PRKCA: variants seen among roughly 807,000 people sequenced by gnomAD.
PRKCA encodes the protein protein kinase C alpha.
In PRKCA, 27 loss-of-function variants were observed where a neutral mutation model predicts 87.0. That is an observed-to-expected ratio of 0.31 (90% CI 0.23 to 0.43). The LOEUF (loss-of-function observed/expected upper bound fraction) is 0.43, where lower values mean the gene tolerates loss of function less well. Ranked by LOEUF, PRKCA falls within the 20% of genes least tolerant of loss-of-function variation. The pLI is 1.00. For missense variants in PRKCA, 518 were observed against 852.3 expected (o/e 0.61, Z 4.88); for synonymous variants, 329 against 311.1 (o/e 1.06, Z -0.61).
chr17:66,380,449 T>G (rs1006037108), intron 2 of PRKCA, among the ~76,000 whole-genome samples: 1 of 152,154 alleles, frequency 6.6e-6, no homozygotes, highest in African/African-American at 2.4e-5. Context: ...TTAAAAGGGT[T>G]GGAATAAACC....
At chr17:66,728,382 A>G (rs1434347058) in intron 8 of PRKCA, among the ~76,000 whole-genome samples, 1 of 152,196 alleles carries the variant, frequency 6.6e-6, no homozygotes, top group African/African-American at 2.4e-5. Flanking sequence ...ACCAGCCTCC[A>G]GAAACTCAGC....
chr17:66,617,955 C>G (rs1970559728), intron 3 of PRKCA, among the ~76,000 whole-genome samples: 2 of 152,244 alleles, frequency 1.3e-5, no homozygotes, highest in South Asian at 4.1e-4. Context: ...AATTTAGTTG[C>G]CCCAACGTGG....
chr17:66,700,804 A>G (rs1973040829), intron 8 of PRKCA, among the ~76,000 whole-genome samples: 1 of 152,206 alleles, frequency 6.6e-6, no homozygotes, highest in South Asian at 2.1e-4. Context: ...TAATACCTAA[A>G]TAAATGGGAA....
intron 13 of PRKCA, among the ~76,000 whole-genome samples, chr17:66,771,100 T>G (rs2144328670): frequency 6.6e-6 from 1 of 151,906 alleles, no homozygotes; most frequent in South Asian, 2.1e-4. Context: ...CCTCATGGGT[T>G]GAAGCAACTC....
At chr17:66,374,475 T>G (rs1255156097) in intron 2 of PRKCA, among the ~76,000 whole-genome samples, 1 of 152,136 alleles carries the variant, frequency 6.6e-6, no homozygotes, top group Non-Finnish European at 1.5e-5. Context: ...CATGCTGGCG[T>G]CACCATGGCA....
intron 3 of PRKCA, among the ~76,000 whole-genome samples, chr17:66,585,195 TTTG>T (rs1383536453): frequency 6.6e-6 from 1 of 152,140 alleles, no homozygotes; most frequent in Non-Finnish European, 1.5e-5. Context: ...ACCCTAATCT[TTTG>T]TTAGGCAGGT....
At chr17:66,460,202 C>T (rs2143962131) in intron 2 of PRKCA, among the ~76,000 whole-genome samples, 1 of 152,256 alleles carries the variant, frequency 6.6e-6, no homozygotes, top group East Asian at 1.9e-4. Context: ...CTATGAAGGT[C>T]ATTGCCCGTG....
intron 3 of PRKCA, among the ~76,000 whole-genome samples, chr17:66,525,038 G>T (rs1258416905): frequency 2.0e-5 from 3 of 152,196 alleles, no homozygotes; most frequent in Admixed American, 1.3e-4. Context: ...AAGTGGCTTT[G>T]TGACTTCCTT....
At chr17:66,607,139 A>G (rs1970232615) in intron 3 of PRKCA, among the ~76,000 whole-genome samples, 1 of 152,190 alleles carries the variant, frequency 6.6e-6, no homozygotes, top group African/African-American at 2.4e-5. Context: ...AGATTATTTC[A>G]ATCGGTAAAA....
intron 3 of PRKCA, among the ~76,000 whole-genome samples, chr17:66,500,958 G>A (rs1186780652): frequency 6.7e-6 from 1 of 149,696 alleles, no homozygotes; most frequent in Non-Finnish European, 1.5e-5. Context: ...TTTTAAATTA[G>A]GATTTTTTTT....
chr17:66,644,728 C>A (rs1054778277), intron 4 of PRKCA, among the ~76,000 whole-genome samples: 12 of 151,930 alleles, frequency 7.9e-5, no homozygotes, highest in East Asian at 3.9e-4. Flanking sequence ...ACAAGGTTAG[C>A]TGAGGAAAGG....
intron 2 of PRKCA, among the ~76,000 whole-genome samples, chr17:66,376,605 C>A (rs914233275): frequency 6.6e-6 from 1 of 151,090 alleles, no homozygotes; most frequent in East Asian, 2.0e-4. Flanking sequence ...GGTGACAGAG[C>A]GAGACTCTGT....
intron 3 of PRKCA, among the ~76,000 whole-genome samples, chr17:66,624,804 A>G (rs886709550): frequency 2.0e-5 from 3 of 151,264 alleles, no homozygotes; most frequent in Admixed American, 2.0e-4. Context: ...ATAAATAAAT[A>G]AATAAATAAA....
chr17:66,495,675 C>G lies in PRKCA; in HGVS notation c.206-526C>G, dbSNP rs61762378. ...TCAAGCGATTATCCTGCCTCAACCT[C>G]CTGAGTAGCTGGGATTACAGGCGCC... is the stretch of plus-strand genomic sequence containing the variant. On this transcript the variant is annotated intron_variant, in intron 2 of 16. Transcript: ENST00000413366. Among the ~76,000 whole-genome samples the G allele has an allele frequency of 6.0e-3, 909 of 152,024 alleles. 15 individuals carry two copies. The highest frequency in any genetic ancestry group is 0.021 in the African/African-American group (855 of 41,460).
intron 2 of PRKCA, among the ~76,000 whole-genome samples, chr17:66,485,960 T>C (rs916416968): frequency 6.6e-6 from 1 of 152,216 alleles, no homozygotes; most frequent in African/African-American, 2.4e-5. Context: ...TGATTATTTT[T>C]TAGGGTCAAA....
intron 16 of PRKCA, chr17:66,796,554 C>T (rs1009007412): frequency 2.0e-6 from 2 of 985,220 alleles, no homozygotes; most frequent in Admixed American, 6.2e-5. Flanking sequence ...CACTTTATAA[C>T]CCTTAACCGT....
chr17:66,717,395 C>T (rs142626296), intron 8 of PRKCA, among the ~76,000 whole-genome samples: 44 of 152,270 alleles, frequency 2.9e-4, no homozygotes, highest in African/African-American at 9.9e-4. Context: ...TGCTCACCCT[C>T]GATGTAGGAG....
At chr17:66,521,305 G>A (rs1024716507) in intron 3 of PRKCA, among the ~76,000 whole-genome samples, 15 of 152,128 alleles carry the variant, frequency 9.9e-5, no homozygotes, top group Admixed American at 3.9e-4. Flanking sequence ...TAGTGATGGC[G>A]ATCTATAGTG....
At chr17:66,740,271 A>G (rs1039003268) in intron 11 of PRKCA, among the ~76,000 whole-genome samples, 1 of 152,064 alleles carries the variant, frequency 6.6e-6, no homozygotes, top group Non-Finnish European at 1.5e-5. Context: ...TGAGAGATTC[A>G]TCTGAGGGGT....
Sources: allele counts gnomAD v4.1 joint callset (sites outside exome capture counted in the v4.1 genomes callset), GRCh38; gene constraint gnomAD v4.1.1; transcripts MANE v1.5; gene names NCBI Gene and HGNC (gene_info 2026-07-23, HGNC 2026-07-21).